MUCL3: variants seen among roughly 807,000 people sequenced by gnomAD.
MUCL3 encodes the protein mucin like 3.
A neutral mutation model predicts 70.2 loss-of-function variants in MUCL3; 42 were observed. That is an observed-to-expected ratio of 0.60 (90% CI 0.47 to 0.77). The LOEUF is 0.77. MUCL3 is among the 30% of genes least tolerant of loss of function. MUCL3 has a pLI of 0.00. For synonymous variants in MUCL3, 522 were observed against 647.0 expected (o/e 0.81, Z 2.93); for missense variants, 1,429 against 1,670.0 (o/e 0.86, Z 2.52).
intron 1 of MUCL3, among the ~76,000 whole-genome samples, chr6:30,945,215 T>C (rs1025151573): frequency 2.0e-5 from 3 of 152,232 alleles, no homozygotes; most frequent in African/African-American, 7.2e-5. Context: ...GCAAGGCTTT[T>C]AAGGAGTTTT....
In MUCL3 at chr6:30,950,547, T is replaced by A. The variant is rs1435984415; in HGVS notation, c.2083T>A (p.Ser695Thr). ...CCCATTTGCCAATGAGAAAACCACATCATCCTCAGCAGAGCCTACAGAACA... is the reference window on the plus strand; with the variant it reads ...CCCATTTGCCAATGAGAAAACCACAACATCCTCAGCAGAGCCTACAGAACA... ...RTPFANEKTT[S>T]SSAEPTEHGE... Residue 695 changes from serine to threonine, a missense_variant, in exon 2 of 3, where the codon TCA (serine) becomes ACA (threonine). Ser to Thr is a moderately conservative substitution (Grantham distance 58, BLOSUM62 1). Coordinates refer to ENST00000462446, the MANE Select transcript of MUCL3 (RefSeq NM_080870.4). 6.6e-7 allele frequency: 1 copy of A among 1,519,206 alleles called. No homozygotes were observed. The highest frequency in any genetic ancestry group is 8.8e-7 in the Non-Finnish European group (1 of 1,137,394). The allele number at this position is 1,519,206 out of a possible 1,614,324, so 94.1% of individuals were successfully genotyped here. A position where few individuals can be genotyped will look rare whatever the true frequency, so the allele number is the denominator to read the frequency against.
chr6:30,951,442 A>G lies in MUCL3; in HGVS notation c.2978A>G (p.Asn993Ser). The change falls in exon 2 of 3, where the codon AAC becomes AGC. Residue 993 changes from asparagine (N) to serine (S), a missense_variant. By Grantham distance (46) the Asn-to-Ser change is conservative (BLOSUM62 1). Transcript: ENST00000462446. The stretch of plus-strand genomic sequence containing the variant: ...GAAAGGACCCCACTGGCCAATGAGA[A>G]CACCACAACATCCCCAACAGAGTCT... ...NGERTPLANE[N>S]TTTSPTESTE... 6.5e-7 allele frequency: 1 copy of G among 1,549,798 alleles called. No homozygotes were observed. The highest frequency in any genetic ancestry group is 8.7e-7 in the Non-Finnish European group (1 of 1,146,702).
rs1469673275 is a variant in MUCL3, at chr6:30,953,168, G to A, written c.*51G>A. 5 of 1,595,606 alleles carry A rather than the reference G, an allele frequency of 3.1e-6. No homozygotes were observed. Among genetic ancestry groups the A allele is most frequent in the African/African-American group, 1.3e-5 (1 of 74,250 alleles). On this transcript the variant is annotated 3_prime_UTR_variant, in exon 3 of 3. Coordinates refer to ENST00000462446, the MANE Select transcript of MUCL3 (RefSeq NM_080870.4). Reference sequence around the variant, plus strand: ...CTCTTCCATGCTCTGCCCCTTTCCTGGATGAGGAACCGGACTCACAATTTC... The same window carrying A: ...CTCTTCCATGCTCTGCCCCTTTCCTAGATGAGGAACCGGACTCACAATTTC...
At position 30,951,412 on chromosome 6, in the gene MUCL3, A is replaced by G; in HGVS notation, c.2948A>G (p.Asn983Ser). The G allele has an allele frequency of 6.4e-7, 1 of 1,550,630 alleles. No individual in the cohort carries two copies. The highest frequency in any genetic ancestry group is 8.7e-7 in the Non-Finnish European group (1 of 1,146,870). ...TTPSSAEPTE[N>S]GERTPLANEN... ...CCATCCTCAGCAGAGCCTACAGAAAATGGAGAAAGGACCCCACTGGCCAAT... is the reference window on the plus strand; with the variant it reads ...CCATCCTCAGCAGAGCCTACAGAAAGTGGAGAAAGGACCCCACTGGCCAAT... Residue 983 changes from asparagine to serine, a missense_variant, in exon 2 of 3, where the codon AAT (asparagine) becomes AGT (serine). Coordinates refer to ENST00000462446, the MANE Select transcript of MUCL3 (RefSeq NM_080870.4).
chr6:30,941,171 G>T, intron 1 of MUCL3, 90 bp downstream of exon 1: 1 of 1,445,930 alleles, frequency 6.9e-7, no homozygotes, highest in Non-Finnish European at 9.3e-7. Flanking sequence ...GAATGAAGGG[G>T]GCGGGCACGG....
chr6:30,952,886 G>C, intron 2 of MUCL3, 85 bp from the exon 3 acceptor site: 2 of 1,522,168 alleles, frequency 1.3e-6, no homozygotes, highest in Non-Finnish European at 1.8e-6. Context: ...ATGGAATCTT[G>C]AGAATAGAAT....
chr6:30,953,061 G>A lies in MUCL3; in HGVS notation c.4126G>A (p.Val1376Ile). 3 of 1,614,242 alleles carry A rather than the reference G, an allele frequency of 1.9e-6. No individual in the cohort carries two copies. The highest frequency in any genetic ancestry group is 4.5e-5 in the East Asian group (2 of 44,878). The change falls in exon 3 of 3, where the codon GTC (valine) becomes ATC (isoleucine). Residue 1376 changes from valine to isoleucine, a missense_variant. Coordinates refer to ENST00000462446, the MANE Select transcript of MUCL3 (RefSeq NM_080870.4). Reference protein sequence around the residue: ...EDEGGPNSYPVYLMEQQNLGM... With the variant: ...EDEGGPNSYPIYLMEQQNLGM... ...TGAGGGTGGCCCCAATTCCTACCCGGTCTACCTGATGGAGCAGCAGAATCT... is the reference window on the plus strand; with the variant it reads ...TGAGGGTGGCCCCAATTCCTACCCGATCTACCTGATGGAGCAGCAGAATCT...
chr6:30,941,232 A>G (rs1224543212), intron 1 of MUCL3, among the ~76,000 whole-genome samples, 151 bp downstream of exon 1: 2 of 152,186 alleles, frequency 1.3e-5, no homozygotes, highest in Admixed American at 1.3e-4. Context: ...TTTGCTGGCT[A>G]AGGGACATGT....
In MUCL3 at chr6:30,949,102, C is replaced by T. The variant is rs1052020126; in HGVS notation, c.638C>T (p.Ser213Leu). 1.8e-5 allele frequency: 28 copies of T among 1,550,872 alleles called. No homozygotes were observed. Among genetic ancestry groups the T allele is most frequent in the Non-Finnish European group, 2.4e-5 (28 of 1,146,806 alleles). ...SHKTTTSFHN[S>L]GNSQTKQKST... ...AAGACTACAACTTCCTTCCACAACT[C>T]AGGCAATTCACAGACCAAGCAAAAA... Residue 213 changes from serine to leucine, a missense_variant, in exon 2 of 3, where the codon TCA becomes TTA. Transcript: ENST00000462446.
In MUCL3 at chr6:30,949,320, A is replaced by G. The variant is rs1468764532; in HGVS notation, c.856A>G (p.Thr286Ala). 9 of 1,551,720 alleles carry G rather than the reference A, an allele frequency of 5.8e-6. No individual in the cohort carries two copies. In the Admixed American group the frequency reaches 1.8e-4, roughly 30 times the overall value. The change falls in exon 2 of 3, where the codon ACA (threonine) becomes GCA (alanine). Residue 286 changes from threonine to alanine, a missense_variant. Transcript: ENST00000462446. The part of the protein sequence containing the change: ...NELTQSLAEP[T>A]EHGGRTANEN... Reference sequence around the variant, plus strand: ...GCTCACACAATCTCTAGCAGAGCCTACAGAACATGGAGGAAGGACAGCCAA... The same window carrying G: ...GCTCACACAATCTCTAGCAGAGCCTGCAGAACATGGAGGAAGGACAGCCAA...
Position 30,948,982 on chromosome 6 carries a change from C to A in MUCL3, c.518C>A (p.Thr173Lys). 1 of 1,551,692 alleles carries A rather than the reference C, an allele frequency of 6.4e-7. No homozygotes were observed. Among genetic ancestry groups the A allele is most frequent in the Non-Finnish European group, 8.7e-7 (1 of 1,146,988 alleles). ...AAAATAAACTGTCGTAAGTCCACAA[C>A]AGGCAAATCAACGGTAACAAGAAAA... ...KSKINCRKST[T>K]GKSTVTRKSD... Residue 173 changes from threonine (T) to lysine (K), a missense_variant, in exon 2 of 3, where the codon ACA becomes AAA. Thr to Lys is a moderately conservative substitution (Grantham distance 78). Coordinates refer to ENST00000462446, the MANE Select transcript of MUCL3 (RefSeq NM_080870.4).
At chr6:30,947,268 TTC>T (rs1249572618) in intron 1 of MUCL3, among the ~76,000 whole-genome samples, 4 of 152,136 alleles carry the variant, frequency 2.6e-5, no homozygotes, top group Non-Finnish European at 5.9e-5. Flanking sequence ...TTCAGCCCCC[TTC>T]TCTCCCCTCA....
Position 30,948,834 on chromosome 6 carries a change from A to C in MUCL3, c.370A>C (p.Asn124His), listed in dbSNP as rs1354917239. ...NHEAPPTSEE[N>H]SSNQGKDPMI... ...TGAGGCTCCTCCCACTTCTGAAGAA[A>C]ACTCCAGCAACCAAGGGAAAGACCC... Residue 124 changes from asparagine to histidine, a missense_variant, in exon 2 of 3, where the codon AAC becomes CAC. Transcript: ENST00000462446. The C allele has an allele frequency of 2.6e-6, 4 of 1,551,502 alleles. No homozygotes were observed. The highest frequency in any genetic ancestry group is 2.6e-6 in the Non-Finnish European group (3 of 1,146,974).
At chr6:30,952,643 G>T in intron 2 of MUCL3, 144 bp downstream of exon 2, 1 of 962,458 alleles carries the variant, frequency 1.0e-6, no homozygotes, top group Non-Finnish European at 1.5e-6. Context: ...GGAGAGTTTT[G>T]GTGAAAACTA....
rs1383188768 is a variant in MUCL3, at chr6:30,953,060, G to A, written c.4125G>A (p.Pro1375=). Residue 1375 remains proline, a synonymous_variant, in exon 3 of 3, where the codon CCG becomes CCA. Coordinates refer to ENST00000462446, the MANE Select transcript of MUCL3 (RefSeq NM_080870.4). ...ATGAGGGTGGCCCCAATTCCTACCC[G>A]GTCTACCTGATGGAGCAGCAGAATC... is the stretch of plus-strand genomic sequence containing the variant. The part of the protein sequence containing the change: ...AEDEGGPNSY[P]VYLMEQQNLG... 16 of 1,614,254 alleles carry A rather than the reference G, an allele frequency of 9.9e-6. No homozygotes were observed. Among genetic ancestry groups the A allele is most frequent in the Non-Finnish European group, 1.4e-5 (16 of 1,180,040 alleles).
chr6:30,951,568 T>C lies in MUCL3; in HGVS notation c.3104T>C (p.Ile1035Thr), dbSNP rs566807233. Reference sequence around the variant, plus strand: ...ACACCATCAGCCAATGAGAAGACCATACCATCTCCAGCAAAGCCTACAGAA... The same window carrying C: ...ACACCATCAGCCAATGAGAAGACCACACCATCTCCAGCAAAGCCTACAGAA... ...ERTPSANEKT[I>T]PSPAKPTEHE... is the part of the protein sequence containing the mutation. The change falls in exon 2 of 3, where the codon ATA becomes ACA. Residue 1035 changes from isoleucine to threonine, a missense_variant. By Grantham distance (89) the Ile-to-Thr change is moderately conservative (BLOSUM62 -1). Coordinates refer to ENST00000462446, the MANE Select transcript of MUCL3 (RefSeq NM_080870.4). The C allele has an allele frequency of 8.9e-5, 135 of 1,511,148 alleles. No individual in the cohort carries two copies. Among genetic ancestry groups the C allele is most frequent in the African/African-American group, 4.0e-4 (24 of 60,530 alleles). The allele number at this position is 1,511,148 out of a possible 1,614,324, so 93.6% of individuals were successfully genotyped here. A position where few individuals can be genotyped will look rare whatever the true frequency, so the allele number is the denominator to read the frequency against.
In MUCL3 at chr6:30,953,965, G is replaced by C. The variant is rs1197377668; in HGVS notation, c.*848G>C. The C allele has an allele frequency of 6.6e-6, 1 of 152,256 alleles. No homozygotes were observed. The highest frequency in any genetic ancestry group is 2.4e-5 in the African/African-American group (1 of 41,404). The allele number at this position is 152,256 out of a possible 1,614,324, so 9.4% of individuals were successfully genotyped here. A position where few individuals can be genotyped will look rare whatever the true frequency, so the allele number is the denominator to read the frequency against. On this transcript the variant is annotated 3_prime_UTR_variant, in exon 3 of 3. Coordinates refer to ENST00000462446, the MANE Select transcript of MUCL3 (RefSeq NM_080870.4). ...TTCCTGTCTCTTCCACCAAAAGCCAGCTGTAGCTTTATCTCGTAAAAGTTA... is the reference window on the plus strand; with the variant it reads ...TTCCTGTCTCTTCCACCAAAAGCCACCTGTAGCTTTATCTCGTAAAAGTTA...
Position 30,952,359 on chromosome 6 carries a change from T to C in MUCL3, c.3895T>C (p.Tyr1299His), listed in dbSNP as rs778816176. ...SEATGNESHP[Y>H]LNKDGSQKGI... ...AGCCACAGGAAACGAGAGCCATCCA[T>C]ACCTCAATAAAGATGGCTCACAGAA... The change falls in exon 2 of 3, where the codon TAC (tyrosine) becomes CAC (histidine). Residue 1299 changes from tyrosine to histidine, a missense_variant. Transcript: ENST00000462446. The C allele has an allele frequency of 5.4e-5, 87 of 1,614,112 alleles. No individual in the cohort carries two copies. Among genetic ancestry groups the C allele is most frequent in the Non-Finnish European group, 7.0e-5 (83 of 1,180,046 alleles).
Position 30,952,960 on chromosome 6 carries a change from C to A in MUCL3, c.4036-11C>A. ...ATGGTTCTCATTCCTCCTTTCTCAT[C>A]CCAATCACAGGTCTCCTATATGATG... is the stretch of plus-strand genomic sequence containing the variant. On this transcript the variant is annotated splice_polypyrimidine_tract_variant and intron_variant, in intron 2 of 2. Transcript: ENST00000462446. 1 of 1,613,346 alleles carries A rather than the reference C, an allele frequency of 6.2e-7. No individual in the cohort carries two copies. Among genetic ancestry groups the A allele is most frequent in the Non-Finnish European group, 8.5e-7 (1 of 1,179,690 alleles).
Sources: allele counts gnomAD v4.1 joint callset (sites outside exome capture counted in the v4.1 genomes callset), GRCh38; gene constraint gnomAD v4.1.1; transcripts MANE v1.5; gene names NCBI Gene and HGNC (gene_info 2026-07-23, HGNC 2026-07-21).